Variants in TRIO observed in about 807,000 individuals in gnomAD.
TRIO encodes the protein trio Rho guanine nucleotide exchange factor.
In TRIO, 58 loss-of-function variants were observed where a neutral mutation model predicts 351.9. That is an observed-to-expected ratio of 0.16 (90% confidence interval 0.13 to 0.21). The LOEUF is 0.21. Ranked by LOEUF, TRIO falls within the 10% of genes least tolerant of loss-of-function variation. TRIO has a pLI of 1.00. For synonymous variants in TRIO, 1,758 were observed against 1,595.7 expected (o/e 1.10, Z -2.42); for missense variants, 3,201 against 4,027.8 (o/e 0.79, Z 5.56).
chr5:14,221,383 A>G (rs1051883925), intron 1 of TRIO, among the ~76,000 whole-genome samples: 3 of 152,214 alleles, frequency 2.0e-5, no homozygotes, highest in African/African-American at 4.8e-5. Context: ...TTGACTTCCA[A>G]GTCTTATCAT....
intron 34 of TRIO, among the ~76,000 whole-genome samples, chr5:14,437,527 A>G (rs551211670): frequency 6.6e-4 from 101 of 152,080 alleles, no homozygotes; most frequent in African/African-American, 2.4e-3. Flanking sequence ...ACAGAAATTT[A>G]TTTTCTGGAG....
chr5:14,446,242 C>T (rs766472309), intron 34 of TRIO, among the ~76,000 whole-genome samples: 1 of 152,002 alleles, frequency 6.6e-6, no homozygotes, highest in Non-Finnish European at 1.5e-5. Flanking sequence ...CAGGAAGGTG[C>T]GGGACATTCT....
At chr5:14,208,837 C>T (rs1791701973) in intron 1 of TRIO, among the ~76,000 whole-genome samples, 1 of 152,172 alleles carries the variant, frequency 6.6e-6, no homozygotes, top group Non-Finnish European at 1.5e-5. Flanking sequence ...TGTTACCTAC[C>T]TGAAGTGGAA....
At chr5:14,435,022 CA>C (rs1382096987) in intron 34 of TRIO, among the ~76,000 whole-genome samples, 3 of 152,232 alleles carry the variant, frequency 2.0e-5, no homozygotes, top group Non-Finnish European at 4.4e-5. Context: ...TGCATCACGT[CA>C]GGGGTACAGG....
chr5:14,507,128 C>T lies in TRIO; in HGVS notation c.8619C>T (p.Asp2873=), dbSNP rs980561835. 2 of 1,595,764 alleles carry T rather than the reference C, an allele frequency of 1.3e-6. No individual in the cohort carries two copies. Among genetic ancestry groups the T allele is most frequent in the Admixed American group, 1.8e-5 (1 of 55,114 alleles). The change falls in exon 56 of 57, where the codon GAC becomes GAT. Residue 2873 remains aspartate, a synonymous_variant. Coordinates refer to ENST00000344204, the MANE Select transcript of TRIO (RefSeq NM_007118.4). The stretch of plus-strand genomic sequence containing the variant: ...CCCGCTCCTGCCTCTTTAGGGCTGA[C>T]CAGGGTCGCCTCCTGGACTGCGTGG... ...TSYILVLEMA[D]QGRLLDCVVR...
rs1754524970 is a variant in TRIO at position 14,469,554 on chromosome 5, TCA to T, written c.5764-1763_5764-1762del. 1.1e-4 allele frequency among the ~76,000 whole-genome samples: 16 copies of T among 152,320 alleles called. 1 individual carries two copies. The highest frequency in any genetic ancestry group is 3.4e-4 in the African/African-American group (14 of 41,570). On this transcript the variant is annotated intron_variant, in intron 37 of 56. Transcript: ENST00000344204. Reference sequence around the variant, plus strand: ...AAACCCAGAGAGTTTCACAAATAATTCATCCAAAATCTGTGAAGTCCCAGTGG... The same window carrying T: ...AAACCCAGAGAGTTTCACAAATAATTTCCAAAATCTGTGAAGTCCCAGTGG...
chr5:14,280,627 G>A (rs958375809), intron 3 of TRIO, among the ~76,000 whole-genome samples, 191 bp downstream of exon 3: 11 of 152,160 alleles, frequency 7.2e-5, no homozygotes, highest in African/African-American at 2.7e-4. Flanking sequence ...TGGGGAGCAG[G>A]GACATGAAGG....
chr5:14,244,698 A>G (rs1015243757), intron 1 of TRIO, among the ~76,000 whole-genome samples: 2 of 152,196 alleles, frequency 1.3e-5, no homozygotes, highest in Admixed American at 6.5e-5. Flanking sequence ...TTGACTCCTC[A>G]CCGTAGCCCA....
At chr5:14,254,846 A>G (rs1794941346) in intron 1 of TRIO, among the ~76,000 whole-genome samples, 1 of 152,198 alleles carries the variant, frequency 6.6e-6, no homozygotes, top group Admixed American at 6.5e-5. Flanking sequence ...TTGGAGACTG[A>G]GTTTATGGGC....
intron 7 of TRIO, among the ~76,000 whole-genome samples, chr5:14,299,470 T>TTA (rs1737670777): frequency 6.6e-6 from 1 of 151,690 alleles, no homozygotes; most frequent in South Asian, 2.1e-4. Context: ...AATGCACAGA[T>TTA]GGGAGATTAG....
intron 9 of TRIO, among the ~76,000 whole-genome samples, chr5:14,317,954 G>A (rs899812088): frequency 6.6e-6 from 1 of 152,034 alleles, no homozygotes; most frequent in Non-Finnish European, 1.5e-5. Flanking sequence ...TGGTGAAACC[G>A]TGTCTCTACT....
chr5:14,312,674 G>A (rs550137934), intron 8 of TRIO, among the ~76,000 whole-genome samples: 2 of 152,324 alleles, frequency 1.3e-5, no homozygotes, highest in East Asian at 3.9e-4. Flanking sequence ...TAAACAAAAT[G>A]TATAACTGAA....
At chr5:14,216,070 T>A (rs1226392336) in intron 1 of TRIO, among the ~76,000 whole-genome samples, 1 of 152,178 alleles carries the variant, frequency 6.6e-6, no homozygotes, top group Non-Finnish European at 1.5e-5. Context: ...CTTGTGAGGA[T>A]TCAGTGAGAT....
At chr5:14,440,998 T>G (rs1327484434) in intron 34 of TRIO, 1 of 145,970 alleles carries the variant, frequency 6.9e-6, no homozygotes, top group East Asian at 1.9e-4. Flanking sequence ...GAAACCCAAC[T>G]GCAGCGCGCG....
chr5:14,251,969 TAAAAA>T (rs1554041668), intron 1 of TRIO, among the ~76,000 whole-genome samples: 4 of 137,582 alleles, frequency 2.9e-5, no homozygotes, highest in South Asian at 2.3e-4. Flanking sequence ...AGAGGCAACT[TAAAAA>T]AAAAAAAAAA....
Position 14,462,846 on chromosome 5 carries a change from G to A in TRIO, c.5588G>A (p.Gly1863Glu). 1 of 1,613,812 alleles carries A rather than the reference G, an allele frequency of 6.2e-7. No individual in the cohort carries two copies. Among genetic ancestry groups the A allele is most frequent in the Non-Finnish European group, 8.5e-7 (1 of 1,179,898 alleles). ...TGTGGAGAAGAGGAAGGCGAGGAGG[G>A]GGCCGACGCCGTGCCCCTGCCGCCA... is the stretch of plus-strand genomic sequence containing the variant. ...QSCGEEEGEEGADAVPLPPPM... is the reference protein window; with the variant it reads ...QSCGEEEGEEEADAVPLPPPM... Residue 1863 changes from glycine to glutamate, a missense_variant, in exon 36 of 57, where the codon GGG (glycine) becomes GAG (glutamate). By Grantham distance (98) the Gly-to-Glu change is moderately conservative. This residue lies in a region of TRIO where 307 missense variants were observed against 396.5 expected (regional missense o/e 0.77). Coordinates refer to ENST00000344204, the MANE Select transcript of TRIO (RefSeq NM_007118.4).
At position 14,423,363 on chromosome 5, in the gene TRIO, C is replaced by T. The variant is rs370803344; in HGVS notation, c.5203+3342C>T. ...GGGCTCACTGTTGAAATCGGTGTCA[C>T]GTCACCATTGTTGATGGCTCAGTAA... is the stretch of plus-strand genomic sequence containing the variant. On this transcript the variant is annotated intron_variant, in intron 34 of 56. Coordinates refer to ENST00000344204, the MANE Select transcript of TRIO (RefSeq NM_007118.4). Among the ~76,000 whole-genome samples, 13 of 152,330 alleles carry T rather than the reference C, an allele frequency of 8.5e-5. No homozygotes were observed. The East Asian group carries it at 1.4e-3, about 16-fold the overall frequency.
At position 14,508,445 on chromosome 5, in the gene TRIO, T is replaced by C; in HGVS notation, c.*23T>C. On this transcript the variant is annotated 3_prime_UTR_variant, in exon 57 of 57. Transcript: ENST00000344204. ...TGACCTATCCAGAAGTTCTTTCTCA[T>C]TCTCTTTCACCTGCCAATCAGCTGT... 1 of 1,560,082 alleles carries C rather than the reference T, an allele frequency of 6.4e-7. No homozygotes were observed. The highest frequency in any genetic ancestry group is 8.7e-7 in the Non-Finnish European group (1 of 1,153,424).
chr5:14,214,461 G>C (rs1168840070), intron 1 of TRIO, among the ~76,000 whole-genome samples: 1 of 152,150 alleles, frequency 6.6e-6, no homozygotes, highest in African/African-American at 2.4e-5. Context: ...CTTACCACCT[G>C]TTTTCTGAAA....
Sources: allele counts gnomAD v4.1 joint callset (sites outside exome capture counted in the v4.1 genomes callset), GRCh38; gene constraint gnomAD v4.1.1; regional missense constraint gnomAD v4.1.1; transcripts MANE v1.5; gene names NCBI Gene and HGNC (gene_info 2026-07-23, HGNC 2026-07-21).